DPH6: variants seen among roughly 807,000 people sequenced by gnomAD.
The protein encoded by DPH6 is diphthamine biosynthesis 6.
A neutral mutation model predicts 38.2 loss-of-function variants in DPH6; 33 were observed. The observed-to-expected ratio is 0.86, with a 90% CI of 0.65 to 1.15. DPH6 has a LOEUF of 1.15. Among genes scored for constraint, DPH6 ranks in the 50% most tolerant of loss-of-function variants. DPH6 has a pLI of 0.00. For synonymous variants in DPH6, 108 were observed against 103.0 expected, an observed-to-expected ratio of 1.05 and a Z score of -0.30; for missense variants, 325 against 320.0, an observed-to-expected ratio of 1.02 and a Z score of -0.12.
chr15:35,181,688 T>G, the DPH6 span: 1 of 151,782 alleles, frequency 6.6e-6, no homozygotes, highest in African/African-American at 2.4e-5. Flanking sequence ...AATGTTAAGA[T>G]GACATGCTGA....
At chr15:35,513,266 AT>A (rs1271576526) in intron 3 of DPH6, among the ~76,000 whole-genome samples, 3 of 152,148 alleles carry the variant, frequency 2.0e-5, no homozygotes, top group Admixed American at 6.5e-5. Flanking sequence ...TTAAAACATA[AT>A]TTTTCTAAGT....
At chr15:35,182,495 C>A in the DPH6 span, among the ~76,000 whole-genome samples, 1 of 151,822 alleles carries the variant, frequency 6.6e-6, no homozygotes, top group Admixed American at 6.6e-5. Flanking sequence ...TACTCCCCAT[C>A]GATAGCATGT....
At chr15:35,448,984 A>ATT (rs372406775) in intron 5 of DPH6, among the ~76,000 whole-genome samples, 1,860 of 136,550 alleles carry the variant, frequency 0.014, 47 homozygotes, top group African/African-American at 0.023. Flanking sequence ...TTATTGTCTC[A>ATT]TTTTTTTTTT....
intron 3 of DPH6, among the ~76,000 whole-genome samples, chr15:35,471,465 C>A (rs1402375668): frequency 6.6e-6 from 1 of 152,200 alleles, no homozygotes; most frequent in East Asian, 1.9e-4. Context: ...CCAATTGATA[C>A]AACTATTAGA....
intron 3 of DPH6, among the ~76,000 whole-genome samples, chr15:35,355,849 A>G (rs2052555049): frequency 6.6e-6 from 1 of 152,152 alleles, no homozygotes; most frequent in Non-Finnish European, 1.5e-5. Flanking sequence ...AGATTGGGGA[A>G]GTTCTCCTGG....
the DPH6 span, among the ~76,000 whole-genome samples, chr15:35,184,276 A>G: frequency 6.6e-6 from 1 of 152,192 alleles, no homozygotes; most frequent in Non-Finnish European, 1.5e-5. Context: ...GAAGAATGAC[A>G]TTAACAGTGT....
chr15:35,518,283 C>G (rs2054874697), intron 3 of DPH6, among the ~76,000 whole-genome samples: 1 of 151,926 alleles, frequency 6.6e-6, no homozygotes, highest in Admixed American at 6.6e-5. Context: ...ACTCTAGGTC[C>G]CCATCTCCAT....
At chr15:35,496,555 C>CAAAA (rs1180094812) in intron 3 of DPH6, among the ~76,000 whole-genome samples, 11 of 49,250 alleles carry the variant, frequency 2.2e-4, no homozygotes, top group East Asian at 9.5e-4. Flanking sequence ...AGTTCCATCT[C>CAAAA]AAAAAAAAAA....
chr15:35,332,772 G>A (rs1489782953), intron 3 of DPH6, among the ~76,000 whole-genome samples: 3 of 152,038 alleles, frequency 2.0e-5, no homozygotes, highest in Non-Finnish European at 4.4e-5. Flanking sequence ...ATTAGTTAAT[G>A]TTATTGTTAA....
intron 3 of DPH6, among the ~76,000 whole-genome samples, chr15:35,267,347 T>C (rs749163455): frequency 1.3e-5 from 2 of 152,176 alleles, no homozygotes; most frequent in African/African-American, 2.4e-5. Flanking sequence ...CTTCTACCAC[T>C]GAAACTAGAT....
chr15:35,358,700 T>C (rs567411815), intron 3 of DPH6, among the ~76,000 whole-genome samples: 15 of 152,292 alleles, frequency 9.8e-5, no homozygotes, highest in African/African-American at 2.6e-4. Context: ...TGGGCTGGTA[T>C]TGGGGGTTGT....
At chr15:35,237,385 A>G in intron 3 of DPH6, 17 of 1,603,868 alleles carry the variant, frequency 1.1e-5, no homozygotes, top group Non-Finnish European at 1.5e-5. Context: ...CTGATGTGAA[A>G]GAACTTGTCC....
At chr15:35,185,724 CTTTT>C in the DPH6 span, among the ~76,000 whole-genome samples, 358 of 83,000 alleles carry the variant, frequency 4.3e-3, no homozygotes, top group African/African-American at 0.014. Flanking sequence ...CCAATCCACT[CTTTT>C]TTTTTTTTTT....
chr15:35,457,889 T>G (rs2054016279), intron 3 of DPH6, among the ~76,000 whole-genome samples: 1 of 152,152 alleles, frequency 6.6e-6, no homozygotes, highest in South Asian at 2.1e-4. Context: ...CTACTATTAC[T>G]ACTACTGACT....
chr15:35,393,336 G>A (rs1199669026), intron 6 of DPH6, among the ~76,000 whole-genome samples: 1 of 152,126 alleles, frequency 6.6e-6, no homozygotes, highest in East Asian at 1.9e-4. Context: ...TAAGGTTCAT[G>A]GTTGAGGAAC....
intron 2 of DPH6, among the ~76,000 whole-genome samples, chr15:35,540,365 TC>T (rs1283755363): frequency 6.6e-6 from 1 of 152,174 alleles, no homozygotes; most frequent in African/African-American, 2.4e-5. Flanking sequence ...GGGAATAAAT[TC>T]CTTTTCACAC....
chr15:35,465,453 A>C (rs1231496218), intron 3 of DPH6, among the ~76,000 whole-genome samples: 1 of 152,208 alleles, frequency 6.6e-6, no homozygotes, highest in African/African-American at 2.4e-5. Context: ...AGAAATTTAT[A>C]TGGCAAGTAT....
rs71123127 is a variant in DPH6 at position 35,284,801 on chromosome 15, A to ATTTTT, written n.201-64224_201-64220dup. ...GAAAATTCATGGGTGAAGTCTCCAA[A>ATTTTT]TTTTTTTTTTTTTTTTTTTTTTTTT... is the stretch of plus-strand genomic sequence containing the variant. On this transcript the variant is annotated intron_variant and non_coding_transcript_variant, in intron 3 of 3. Coordinates refer to the DPH6 transcript ENST00000560386. 2.3e-3 allele frequency among the ~76,000 whole-genome samples: 181 copies of ATTTTT among 79,252 alleles called. 12 individuals carry two copies. The highest frequency in any genetic ancestry group is 0.01 in the East Asian group (20 of 1,938). The allele number at this position is 79,252 out of a possible 152,430, so 52.0% of individuals were successfully genotyped here. A position where few individuals can be genotyped will look rare whatever the true frequency, so the allele number is the denominator to read the frequency against.
At chr15:35,522,134 A>G (rs769311127) in intron 3 of DPH6, 1 of 1,613,212 alleles carries the variant, frequency 6.2e-7, no homozygotes, top group South Asian at 1.1e-5. Context: ...AAAGGAGGAA[A>G]TGTGTGTTTA....
Sources: gnomAD v4.1 joint callset for allele counts (sites outside exome capture counted in the v4.1 genomes callset) on GRCh38, gnomAD v4.1.1 for gene constraint, MANE v1.5 for transcripts, NCBI Gene and HGNC (gene_info 2026-07-23, HGNC 2026-07-21) for gene names.